Variants in NR2F1-AS1 observed in about 807,000 individuals in gnomAD.
The protein encoded by NR2F1-AS1 is NR2F1 regulatory antisense RNA 1, also known as NR2F1 antisense RNA 1.
At chr5:93,440,384 C>A (rs1561437720) in intron 4 of NR2F1-AS1, among the ~76,000 whole-genome samples, 1 of 152,188 alleles carries the variant, frequency 6.6e-6, no homozygotes, top group Non-Finnish European at 1.5e-5. Context: ...ATTGGTCTCT[C>A]CAATGTGGAT....
At chr5:93,475,930 G>T (rs1033265734) in intron 4 of NR2F1-AS1, among the ~76,000 whole-genome samples, 3 of 152,096 alleles carry the variant, frequency 2.0e-5, no homozygotes, top group African/African-American at 7.2e-5. Context: ...AATCACATTA[G>T]TTCACTACTA....
chr5:93,512,565 C>G (rs1395912488), intron 4 of NR2F1-AS1, among the ~76,000 whole-genome samples: 1 of 152,064 alleles, frequency 6.6e-6, no homozygotes, highest in Non-Finnish European at 1.5e-5. Context: ...CAGTACTATA[C>G]AGTAATGTCC....
At chr5:93,532,910 A>G (rs960857384) in intron 4 of NR2F1-AS1, among the ~76,000 whole-genome samples, 1 of 152,244 alleles carries the variant, frequency 6.6e-6, no homozygotes, top group Admixed American at 6.5e-5. Context: ...CTTCCACAGA[A>G]AAGAGAAAAA....
At chr5:93,490,250 CTT>C (rs1750807585) in intron 4 of NR2F1-AS1, among the ~76,000 whole-genome samples, 1 of 152,246 alleles carries the variant, frequency 6.6e-6, no homozygotes, top group African/African-American at 2.4e-5. Context: ...TTCTCCTTCT[CTT>C]GTTTTTTGAG....
At chr5:93,422,967 G>T (rs573988998) in intron 4 of NR2F1-AS1, among the ~76,000 whole-genome samples, 4 of 152,240 alleles carry the variant, frequency 2.6e-5, no homozygotes, top group African/African-American at 9.6e-5. Flanking sequence ...CCTGAAGCTG[G>T]ACATCAAAAC....
intron 4 of NR2F1-AS1, among the ~76,000 whole-genome samples, chr5:93,444,867 A>G (rs1473639330): frequency 1.3e-5 from 2 of 152,216 alleles, no homozygotes; most frequent in Non-Finnish European, 2.9e-5. Flanking sequence ...ACCACAGTGC[A>G]ATCAAACTGG....
At chr5:93,480,540 T>G (rs891307524) in intron 4 of NR2F1-AS1, among the ~76,000 whole-genome samples, 4 of 152,152 alleles carry the variant, frequency 2.6e-5, no homozygotes, top group Non-Finnish European at 5.9e-5. Context: ...AACAGTAACT[T>G]AAAGCCATAC....
chr5:93,444,192 A>C (rs1166312723), intron 4 of NR2F1-AS1, among the ~76,000 whole-genome samples: 1 of 152,242 alleles, frequency 6.6e-6, no homozygotes, highest in African/African-American at 2.4e-5. Flanking sequence ...TCAAATTCAC[A>C]CATAACAATA....
At position 93,551,204 on chromosome 5, in the gene NR2F1-AS1, C is replaced by G. The variant is rs532205736; in HGVS notation, n.638+2557G>C. Among the ~76,000 whole-genome samples, 3 of 152,142 alleles carry G rather than the reference C, an allele frequency of 2.0e-5. No homozygotes were observed. In the East Asian group the frequency reaches 5.8e-4, roughly 29 times the overall value. ...CATTCCTTCCAATCTCCTCCTCTCT[C>G]TCCCCATTTTATTTGAATTATTTAG... On this transcript the variant is annotated intron_variant and non_coding_transcript_variant, in intron 4 of 5. Coordinates refer to ENST00000660523, the Ensembl canonical transcript of NR2F1-AS1.
chr5:93,471,699 G>A (rs1221415896), intron 4 of NR2F1-AS1, among the ~76,000 whole-genome samples: 1 of 151,854 alleles, frequency 6.6e-6, no homozygotes, highest in African/African-American at 2.4e-5. Context: ...ATTTTAATGA[G>A]TGATAGTCGT....
chr5:93,539,712 G>A (rs914108050), intron 4 of NR2F1-AS1, among the ~76,000 whole-genome samples: 1 of 152,052 alleles, frequency 6.6e-6, no homozygotes, highest in Non-Finnish European at 1.5e-5. Flanking sequence ...AGGTAACTAT[G>A]GTTAACATTA....
intron 4 of NR2F1-AS1, among the ~76,000 whole-genome samples, chr5:93,447,697 A>T (rs1476752569): frequency 6.6e-6 from 1 of 152,246 alleles, no homozygotes; most frequent in Non-Finnish European, 1.5e-5. Flanking sequence ...CAGCCATCCC[A>T]TTAATGGGTA....
intron 4 of NR2F1-AS1, among the ~76,000 whole-genome samples, chr5:93,445,438 A>G (rs1160774521): frequency 6.6e-6 from 1 of 152,222 alleles, no homozygotes; most frequent in African/African-American, 2.4e-5. Context: ...AATAAACTAG[A>G]AAATCTAGAA....
chr5:93,413,063 GGTGTGTGTGT>G (rs71613591), intron 4 of NR2F1-AS1, among the ~76,000 whole-genome samples: 15,109 of 139,200 alleles, frequency 0.11, 853 homozygotes, highest in Middle Eastern at 0.17. Flanking sequence ...ATAGCACTAT[GGTGTGTGTGT>G]GTGTGTGTGT....
intron 1 of NR2F1-AS1, among the ~76,000 whole-genome samples, chr5:93,577,497 A>G (rs1174588987): frequency 1.3e-5 from 2 of 152,122 alleles, no homozygotes; most frequent in Non-Finnish European, 2.9e-5. Context: ...CAGCCACAAT[A>G]TAGGCTGGGT....
intron 4 of NR2F1-AS1, among the ~76,000 whole-genome samples, chr5:93,507,514 T>C (rs1282809477): frequency 6.6e-6 from 1 of 152,048 alleles, no homozygotes; most frequent in Admixed American, 6.6e-5. Flanking sequence ...CCTGCCACCA[T>C]GCCCAGCTAA....
At chr5:93,567,152 G>A (rs1402559782) in intron 1 of NR2F1-AS1, among the ~76,000 whole-genome samples, 4 of 152,026 alleles carry the variant, frequency 2.6e-5, no homozygotes, top group African/African-American at 9.7e-5. Flanking sequence ...TTGACTTAAA[G>A]TTATGTTGAT....
intron 1 of NR2F1-AS1, among the ~76,000 whole-genome samples, chr5:93,568,260 GTTTTC>G (rs1269906922): frequency 2.0e-5 from 3 of 152,016 alleles, no homozygotes; most frequent in Non-Finnish European, 4.4e-5. Context: ...GATAAATGTG[GTTTTC>G]TTTTACAAAT....
chr5:93,529,967 T>C (rs1258860911), intron 4 of NR2F1-AS1, among the ~76,000 whole-genome samples: 1 of 151,874 alleles, frequency 6.6e-6, no homozygotes, highest in Non-Finnish European at 1.5e-5. Context: ...GAATGGTTTG[T>C]CCAAAAATAA....
Sources: allele counts gnomAD v4.1 joint callset (sites outside exome capture counted in the v4.1 genomes callset), GRCh38; gene constraint gnomAD v4.1.1; transcripts MANE v1.5; gene names NCBI Gene and HGNC (gene_info 2026-07-23, HGNC 2026-07-21).